Variants in DOCK8 observed in about 807,000 individuals in gnomAD.
The protein encoded by DOCK8 is dedicator of cytokinesis 8.
A neutral mutation model predicts 245.6 loss-of-function variants in DOCK8; 141 were observed. The ratio of observed to expected loss-of-function variants is 0.57; its 90% confidence interval spans 0.50 to 0.66. DOCK8 has a LOEUF of 0.66. Among genes scored for constraint, DOCK8 ranks in the 30% least tolerant of loss-of-function variants. DOCK8 has a pLI of 0.00. For missense variants in DOCK8, 2,965 were observed against 2,603.4 expected, an observed-to-expected ratio of 1.14 and a Z score of -3.02; for synonymous variants, 1,168 against 970.2, an observed-to-expected ratio of 1.20 and a Z score of -3.79.
At chr9:215,852 G>C (rs541780135) in intron 1 of DOCK8, 5 of 168,414 alleles carry the variant, frequency 3.0e-5, no homozygotes. Flanking sequence ...GGACATTTTT[G>C]TCTTGCCCTG....
intron 26 of DOCK8, among the ~76,000 whole-genome samples, chr9:400,959 C>CCACCAT (rs1554692496): frequency 8.3e-5 from 4 of 47,912 alleles, no homozygotes; most frequent in Non-Finnish European, 1.3e-4. Flanking sequence ...ACCACCACCA[C>CCACCAT]CACCACCTCC....
At chr9:403,917 CATATATATATATGTGTATATATATATGTG>C (rs2055254337) in intron 26 of DOCK8, among the ~76,000 whole-genome samples, 114 of 65,138 alleles carry the variant, frequency 1.8e-3, no homozygotes, top group Admixed American at 2.6e-3. Context: ...TATATATATA[CATATATATATATGTGTATATATATATGTG>C]TATATATATA....
chr9:339,125 T>C, intron 13 of DOCK8, 26 bp downstream of exon 13: 1 of 1,596,960 alleles, frequency 6.3e-7, no homozygotes, highest in South Asian at 1.1e-5. Flanking sequence ...CTTTATCCTC[T>C]TTAGCTGTGC....
intron 1 of DOCK8, chr9:220,813 C>T (rs1391339019): frequency 3.6e-5 from 13 of 356,860 alleles, no homozygotes; most frequent in Non-Finnish European, 5.4e-5. Flanking sequence ...CTCTGCCTCC[C>T]GGATTCAAGC....
At chr9:211,726 G>A (rs1003665162), upstream of DOCK8, among the ~76,000 whole-genome samples, 2 of 152,062 alleles carry the variant, frequency 1.3e-5, no homozygotes, top group African/African-American at 4.8e-5. Context: ...AGCAGATGGA[G>A]TCATTCCAAG....
At chr9:365,210 G>A (rs1037134858) in intron 14 of DOCK8, among the ~76,000 whole-genome samples, 1 of 152,212 alleles carries the variant, frequency 6.6e-6, no homozygotes, top group Non-Finnish European at 1.5e-5. Context: ...GAGGAACATT[G>A]TAAGAGGCAA....
At chr9:372,894 C>G (rs117845543) in intron 18 of DOCK8, among the ~76,000 whole-genome samples, 16,346 of 152,074 alleles carry the variant, frequency 0.11, 1,931 homozygotes, top group African/African-American at 0.29. Flanking sequence ...GCTGGGCCTG[C>G]TGTTGGGTGC....
chr9:453,493 C>G (rs2057530784), intron 46 of DOCK8, among the ~76,000 whole-genome samples: 1 of 152,156 alleles, frequency 6.6e-6, no homozygotes, highest in Non-Finnish European at 1.5e-5. Context: ...GTGGCATAAT[C>G]TCAGCTCACT....
At chr9:214,775 G>T (rs1379682374), upstream of DOCK8, 1 of 1,543,008 alleles carries the variant, frequency 6.5e-7, no homozygotes, top group African/African-American at 1.4e-5. Context: ...GCCGGGTGGC[G>T]GAGCCGGCCG....
chr9:340,363 A>G (rs1213488468), intron 14 of DOCK8, 42 bp downstream of exon 14: 5 of 1,612,042 alleles, frequency 3.1e-6, no homozygotes, highest in African/African-American at 2.7e-5. Context: ...GGCTTACACC[A>G]TAATCCCATA....
chr9:225,141 A>G (rs1014134337), intron 1 of DOCK8, among the ~76,000 whole-genome samples: 1 of 150,722 alleles, frequency 6.6e-6, no homozygotes, highest in Non-Finnish European at 1.5e-5. Context: ...ACAAACAGAC[A>G]AGCAGCCTAT....
chr9:220,076 TG>T (rs530858408), intron 1 of DOCK8, among the ~76,000 whole-genome samples: 3 of 152,122 alleles, frequency 2.0e-5, no homozygotes, highest in Admixed American at 1.3e-4. Flanking sequence ...TCCTCAGTAG[TG>T]GGGGTGGCTG....
At chr9:391,815 G>A (rs1205350997) in intron 24 of DOCK8, among the ~76,000 whole-genome samples, 1 of 135,016 alleles carries the variant, frequency 7.4e-6, no homozygotes, top group African/African-American at 2.8e-5. Context: ...GTCCCATTAA[G>A]TGAATCTTTT....
At chr9:235,347 G>A (rs980215602) in intron 1 of DOCK8, among the ~76,000 whole-genome samples, 1 of 152,182 alleles carries the variant, frequency 6.6e-6, no homozygotes, top group Non-Finnish European at 1.5e-5. Context: ...GGGGGTCAGG[G>A]ACCCACTTGA....
At chr9:408,514 C>G (rs1262903907) in intron 28 of DOCK8, among the ~76,000 whole-genome samples, 1 of 152,198 alleles carries the variant, frequency 6.6e-6, no homozygotes, top group Non-Finnish European at 1.5e-5. Context: ...TACCCTACAA[C>G]TAACATAAAT....
Position 371,433 on chromosome 9 carries a change from C to G in DOCK8, c.1874C>G (p.Pro625Arg). ...ATAATGTGCTTTTGAAACAGGTCTC[C>G]TGACTTTTATGAAGAAGTGAAAATT... ...YTAVTYHNKSPDFYEEVKIKL... is the reference protein window; with the variant it reads ...YTAVTYHNKSRDFYEEVKIKL... Residue 625 changes from proline to arginine, a missense_variant, in exon 17 of 48, where the codon CCT becomes CGT. Physicochemically the swap from Pro to Arg is moderately radical, Grantham distance 103. Transcript: ENST00000432829. 6.2e-7 allele frequency: 1 copy of G among 1,614,154 alleles called. No individual in the cohort carries two copies. The highest frequency in any genetic ancestry group is 8.5e-7 in the Non-Finnish European group (1 of 1,180,008).
chr9:462,928 T>A (rs2057851556), intron 46 of DOCK8, among the ~76,000 whole-genome samples: 1 of 152,232 alleles, frequency 6.6e-6, no homozygotes, highest in Non-Finnish European at 1.5e-5. Flanking sequence ...CTAACATTTC[T>A]GAGTTTCAGA....
chr9:353,835 A>G (rs1175311244), intron 14 of DOCK8, among the ~76,000 whole-genome samples: 5 of 152,150 alleles, frequency 3.3e-5, no homozygotes, highest in African/African-American at 7.2e-5. Flanking sequence ...TTTGGGGGAA[A>G]AGGAAGGGTG....
upstream of DOCK8, chr9:214,695 GC>G (rs751654660): frequency 1.2e-5 from 19 of 1,568,822 alleles, no homozygotes; most frequent in Non-Finnish European, 1.6e-5. Context: ...CGCGCCGTCT[GC>G]CCCAGTATCG....
Sources: allele counts gnomAD v4.1 joint callset (sites outside exome capture counted in the v4.1 genomes callset), GRCh38; gene constraint gnomAD v4.1.1; transcripts MANE v1.5; gene names NCBI Gene and HGNC (gene_info 2026-07-23, HGNC 2026-07-21).